Variants in MINDY4 observed in about 807,000 individuals in gnomAD.
MINDY4 encodes the protein probable ubiquitin carboxyl-terminal hydrolase MINDY-4.
A neutral mutation model predicts 87.0 loss-of-function variants in MINDY4; 68 were observed. The observed-to-expected ratio is 0.78, with a 90% CI of 0.64 to 0.96. MINDY4 has a LOEUF of 0.96. MINDY4 is among the 40% of genes least tolerant of loss of function. The pLI, the probability that MINDY4 is intolerant of heterozygous loss-of-function variation, is 0.00. For missense variants in MINDY4, 919 were observed against 928.2 expected, an observed-to-expected ratio of 0.99 and a Z score of 0.13; for synonymous variants, 379 against 363.2, an observed-to-expected ratio of 1.04 and a Z score of -0.50.
chr7:30,824,397 C>T (rs973301825), intron 5 of MINDY4, among the ~76,000 whole-genome samples: 15 of 152,186 alleles, frequency 9.9e-5, no homozygotes, highest in African/African-American at 3.6e-4. Context: ...TGCCCCACCT[C>T]TGAATACGGC....
chr7:30,855,546 C>A (rs190470692), intron 12 of MINDY4, among the ~76,000 whole-genome samples: 137 of 152,352 alleles, frequency 9.0e-4, no homozygotes, highest in African/African-American at 3.2e-3. Context: ...TAAGGTGGAG[C>A]CTGAGGGTGA....
Position 30,771,469 on chromosome 7 carries a change from C to T in MINDY4, c.-25C>T. 2 of 1,595,734 alleles carry T rather than the reference C, an allele frequency of 1.3e-6. No individual in the cohort carries two copies. Among genetic ancestry groups the T allele is most frequent in the South Asian group, 1.1e-5 (1 of 87,286 alleles). On this transcript the variant is annotated 5_prime_UTR_variant, in exon 1 of 18. Transcript: ENST00000265299. ...TGGTGCTGCGGCCCGGCGTGGGCCT[C>T]GTGGGCAGAGCCAGAGCCAGAGCCA...
At chr7:30,810,101 G>C (rs1787937100) in intron 5 of MINDY4, among the ~76,000 whole-genome samples, 1 of 150,382 alleles carries the variant, frequency 6.6e-6, no homozygotes, top group Non-Finnish European at 1.5e-5. Flanking sequence ...GCTTGAACCT[G>C]GGAGGCGGAG....
chr7:30,883,465 C>T (rs1462907023), intron 17 of MINDY4, among the ~76,000 whole-genome samples: 1 of 152,140 alleles, frequency 6.6e-6, no homozygotes, highest in East Asian at 1.9e-4. Flanking sequence ...AGGAGCAGCT[C>T]CGCCACTCTG....
intron 5 of MINDY4, among the ~76,000 whole-genome samples, chr7:30,795,711 T>C (rs890105714): frequency 5.9e-5 from 9 of 152,196 alleles, no homozygotes; most frequent in South Asian, 2.1e-4. Flanking sequence ...GCAATCCAGG[T>C]GTCAGCAGGC....
At chr7:30,775,953 G>A (rs1562527059) in intron 1 of MINDY4, among the ~76,000 whole-genome samples, 1 of 152,274 alleles carries the variant, frequency 6.6e-6, no homozygotes, top group Non-Finnish European at 1.5e-5. Context: ...CCTTTCTTGT[G>A]CACCTCATAT....
At chr7:30,891,780 G>A (rs540911507) in intron 17 of MINDY4, among the ~76,000 whole-genome samples, 177 bp from the exon 18 acceptor site, 23 of 152,178 alleles carry the variant, frequency 1.5e-4, no homozygotes, top group Non-Finnish European at 7.4e-5. Context: ...TTTGTGTTTC[G>A]TAAGAGACTG....
At chr7:30,819,459 ATTAT>A (rs1231849438) in intron 5 of MINDY4, among the ~76,000 whole-genome samples, 2 of 152,190 alleles carry the variant, frequency 1.3e-5, no homozygotes, top group Non-Finnish European at 2.9e-5. Flanking sequence ...ACAAGAATAT[ATTAT>A]TTAACAGTTG....
At chr7:30,828,052 C>T (rs1788570610) in intron 5 of MINDY4, among the ~76,000 whole-genome samples, 1 of 151,958 alleles carries the variant, frequency 6.6e-6, no homozygotes, top group South Asian at 2.1e-4. Context: ...GAAAATGCTC[C>T]CTCAAAGGGT....
At chr7:30,862,239 C>G (rs1789787758) in intron 13 of MINDY4, among the ~76,000 whole-genome samples, 1 of 152,208 alleles carries the variant, frequency 6.6e-6, no homozygotes. Flanking sequence ...GGGGAGACTC[C>G]TGAAGAGGAA....
intron 5 of MINDY4, among the ~76,000 whole-genome samples, chr7:30,803,925 C>T (rs1787732263): frequency 6.6e-6 from 1 of 152,206 alleles, no homozygotes; most frequent in South Asian, 2.1e-4. Flanking sequence ...CGTCCTTGTT[C>T]CTACCCTGTG....
Position 30,791,184 on chromosome 7 carries a change from A to G in MINDY4, c.683A>G (p.Tyr228Cys), listed in dbSNP as rs140175577. The change falls in exon 5 of 18, where the codon TAT (tyrosine) becomes TGT (cysteine). Residue 228 changes from tyrosine to cysteine, a missense_variant. Physicochemically the swap from Tyr to Cys is radical, Grantham distance 194. Transcript: ENST00000265299. The stretch of plus-strand genomic sequence containing the variant: ...CTTTAGGATTCTTTTCACAGACACT[A>G]TCTGAGACGGTCCTCACCGTCAAGC... ...SSPQDSFHRH[Y>C]LRRSSPSSSS... is the part of the protein sequence containing the mutation. 4.7e-5 allele frequency: 76 copies of G among 1,613,366 alleles called. 1 individual carries two copies. In the Middle Eastern group the frequency reaches 8.3e-4, roughly 18 times the overall value.
Position 30,882,345 on chromosome 7 carries a change from G to C in MINDY4, c.2136G>C (p.Gln712His). The change falls in exon 16 of 18, where the codon CAG becomes CAC. Residue 712 changes from glutamine (Q) to histidine (H), a missense_variant. Coordinates refer to ENST00000265299, the MANE Select transcript of MINDY4 (RefSeq NM_032222.3). ...YYDGLANQQE[Q>H]IRLTIDTTQT... ...ATGGCCTGGCCAACCAGCAGGAGCAGATCCGGCTGACCATTGGTGCGGGCC... is the reference window on the plus strand; with the variant it reads ...ATGGCCTGGCCAACCAGCAGGAGCACATCCGGCTGACCATTGGTGCGGGCC... 2.5e-6 allele frequency: 4 copies of C among 1,598,946 alleles called. No homozygotes were observed. Among genetic ancestry groups the C allele is most frequent in the Non-Finnish European group, 2.6e-6 (3 of 1,168,964 alleles).
chr7:30,855,493 A>G (rs1350284532), intron 12 of MINDY4, among the ~76,000 whole-genome samples: 1 of 152,204 alleles, frequency 6.6e-6, no homozygotes, highest in African/African-American at 2.4e-5. Flanking sequence ...ACGTGGAGCC[A>G]CCAGAGCCAG....
At chr7:30,890,304 G>A (rs948482400) in intron 17 of MINDY4, among the ~76,000 whole-genome samples, 5 of 152,352 alleles carry the variant, frequency 3.3e-5, no homozygotes, top group South Asian at 4.1e-4. Context: ...GCAGGACTGC[G>A]TCTTGTGTCT....
At chr7:30,825,294 G>C (rs755465755) in intron 5 of MINDY4, among the ~76,000 whole-genome samples, 2 of 152,182 alleles carry the variant, frequency 1.3e-5, no homozygotes, top group Admixed American at 6.5e-5. Context: ...AAGCATAATT[G>C]AAGTCTCCTC....
rs182237969 is a variant in MINDY4 at position 30,853,419 on chromosome 7, A to G, written c.1637A>G (p.Tyr546Cys). 53 of 1,613,788 alleles carry G rather than the reference A, an allele frequency of 3.3e-5. No homozygotes were observed. The East Asian group carries it at 5.3e-4, about 16-fold the overall frequency. ...ETLTLHSLTC[Y>C]EDLVTFLQQS... ...CTTACGCTTCACAGTTTGACCTGCT[A>G]TGAGGACCTGGTGACTTTTCTTCAA... Residue 546 changes from tyrosine (Y) to cysteine (C), a missense_variant, in exon 12 of 18, where the codon TAT becomes TGT. By Grantham distance (194) the Tyr-to-Cys change is radical (BLOSUM62 -2). Coordinates refer to ENST00000265299, the MANE Select transcript of MINDY4 (RefSeq NM_032222.3).
chr7:30,886,278 A>G lies in MINDY4; in HGVS notation c.2225+3285A>G, dbSNP rs549798469. ...CCCTCATAGAACCCCTGGGCTGGAC[A>G]CCATGGAAGAAACAGCTGAGTAAGA... On this transcript the variant is annotated intron_variant, in intron 17 of 17. Transcript: ENST00000265299. Among the ~76,000 whole-genome samples the G allele has an allele frequency of 5.3e-5, 8 of 152,290 alleles. No individual in the cohort carries two copies. In the East Asian group the frequency reaches 1.3e-3, roughly 26 times the overall value.
chr7:30,838,013 T>C (rs2128566457), intron 7 of MINDY4, among the ~76,000 whole-genome samples: 1 of 152,246 alleles, frequency 6.6e-6, no homozygotes, highest in South Asian at 2.1e-4. Flanking sequence ...AATGAGTCTG[T>C]AGGAAAGGTC....
Sources: allele counts gnomAD v4.1 joint callset (sites outside exome capture counted in the v4.1 genomes callset), GRCh38; gene constraint gnomAD v4.1.1; transcripts MANE v1.5; gene names NCBI Gene and HGNC (gene_info 2026-07-23, HGNC 2026-07-21).